SNX29: variants seen among roughly 807,000 people sequenced by gnomAD.
SNX29 encodes sorting nexin-29.
SNX29 carries 78 observed loss-of-function variants against 102.1 expected under a neutral mutation model. The observed-to-expected ratio is 0.76, with a 90% CI of 0.64 to 0.92. SNX29 has a LOEUF of 0.92. Among genes scored for constraint, SNX29 ranks in the 40% least tolerant of loss-of-function variants. The pLI is 0.00. For missense variants in SNX29, 1,280 were observed against 1,061.7 expected, an observed-to-expected ratio of 1.21 and a Z score of -2.86; for synonymous variants, 580 against 414.5, an observed-to-expected ratio of 1.40 and a Z score of -4.85.
At chr16:12,195,813 C>T (rs148954533) in intron 13 of SNX29, among the ~76,000 whole-genome samples, 313 of 152,186 alleles carry the variant, frequency 2.1e-3, no homozygotes, top group African/African-American at 7.4e-3. Context: ...AAAATGGGCA[C>T]AGTAAAACCA....
At position 12,052,080 on chromosome 16, in the gene SNX29, T is replaced by A. The variant is rs1267930965; in HGVS notation, c.982T>A (p.Ser328Thr). Residue 328 changes from serine (S) to threonine (T), a missense_variant, in exon 8 of 21, where the codon TCC (serine) becomes ACC (threonine). Physicochemically the swap from Ser to Thr is moderately conservative, Grantham distance 58. Transcript: ENST00000566228. ...SQSSNSWKID[S>T]LSLNGEFGYQ... ...GAGCAGCAACTCATGGAAAATTGATTCCCTGTCTTTGAACGGGGAGTTTGG... is the reference window on the plus strand; with the variant it reads ...GAGCAGCAACTCATGGAAAATTGATACCCTGTCTTTGAACGGGGAGTTTGG... The A allele has an allele frequency of 6.2e-7, 1 of 1,613,956 alleles. No individual in the cohort carries two copies. The highest frequency in any genetic ancestry group is 1.7e-4 in the Middle Eastern group (1 of 6,056).
At chr16:12,496,153 G>A (rs1044053511) in intron 19 of SNX29, among the ~76,000 whole-genome samples, 3 of 152,218 alleles carry the variant, frequency 2.0e-5, no homozygotes, top group Non-Finnish European at 4.4e-5. Context: ...ATGGGGACTT[G>A]CAGAAAGGTC....
At chr16:12,037,687 T>C (rs1425527744) in intron 4 of SNX29, among the ~76,000 whole-genome samples, 1 of 151,868 alleles carries the variant, frequency 6.6e-6, no homozygotes, top group Non-Finnish European at 1.5e-5. Context: ...CTCAGTGGTT[T>C]ACGCCTGTAA....
intron 20 of SNX29, among the ~76,000 whole-genome samples, chr16:12,532,864 C>T (rs989717259): frequency 2.6e-5 from 4 of 152,180 alleles, no homozygotes; most frequent in African/African-American, 9.7e-5. Flanking sequence ...GAAGCCTTCC[C>T]CTGCGTGAGA....
chr16:12,558,373 A>G (rs1425010107), intron 20 of SNX29, among the ~76,000 whole-genome samples: 1 of 152,188 alleles, frequency 6.6e-6, no homozygotes, highest in Non-Finnish European at 1.5e-5. Context: ...ATTGGTAACC[A>G]TCGGAATTTT....
intron 16 of SNX29, among the ~76,000 whole-genome samples, chr16:12,365,517 C>G (rs1416478774): frequency 1.3e-5 from 2 of 150,538 alleles, no homozygotes; most frequent in African/African-American, 2.4e-5. Flanking sequence ...TGGTGAAACC[C>G]CATCTCTACT....
At chr16:12,187,653 G>A (rs2076543525) in intron 13 of SNX29, among the ~76,000 whole-genome samples, 1 of 151,868 alleles carries the variant, frequency 6.6e-6, no homozygotes, top group African/African-American at 2.4e-5. Context: ...TTTCATAGTA[G>A]TTTCTCTTGC....
intron 1 of SNX29, among the ~76,000 whole-genome samples, chr16:11,992,092 T>G (rs2055875931): frequency 6.6e-6 from 1 of 152,010 alleles, no homozygotes; most frequent in Non-Finnish European, 1.5e-5. Flanking sequence ...GCCAGGAGTT[T>G]GAGACCAGCC....
At chr16:12,262,414 A>G (rs934002095) in intron 14 of SNX29, among the ~76,000 whole-genome samples, 2 of 152,184 alleles carry the variant, frequency 1.3e-5, no homozygotes, top group Non-Finnish European at 2.9e-5. Context: ...CATTCATCCC[A>G]AAGAGATACT....
At chr16:12,342,476 A>G (rs1024428626) in intron 15 of SNX29, among the ~76,000 whole-genome samples, 1 of 152,138 alleles carries the variant, frequency 6.6e-6, no homozygotes, top group Non-Finnish European at 1.5e-5. Context: ...TCAAGCCCTT[A>G]AATTCCATGT....
At chr16:12,234,802 A>G (rs531474349) in intron 14 of SNX29, among the ~76,000 whole-genome samples, 6 of 152,284 alleles carry the variant, frequency 3.9e-5, no homozygotes, top group African/African-American at 1.4e-4. Flanking sequence ...ACTTAGGGCT[A>G]TGTCCGTCTG....
rs2079172503 is a variant in SNX29, at chr16:12,570,836, C to G, written c.*2207C>G. On this transcript the variant is annotated 3_prime_UTR_variant, in exon 21 of 21. Coordinates refer to ENST00000566228, the MANE Select transcript of SNX29 (RefSeq NM_032167.5). ...CCGTGAGAAACAAGTATGCTCTCAGCTGGTATTGAACTGGTGGGAGAAACT... is the reference window on the plus strand; with the variant it reads ...CCGTGAGAAACAAGTATGCTCTCAGGTGGTATTGAACTGGTGGGAGAAACT... 4.3e-6 allele frequency: 1 copy of G among 232,182 alleles called. No individual in the cohort carries two copies. The highest frequency in any genetic ancestry group is 8.5e-6 in the Non-Finnish European group (1 of 117,474). 14.4% of individuals were successfully genotyped at this position (232,182 alleles called of 1,614,324 possible). A position where few individuals can be genotyped will look rare whatever the true frequency, so the allele number is the denominator to read the frequency against.
At chr16:12,293,319 G>T (rs1160631256) in intron 15 of SNX29, among the ~76,000 whole-genome samples, 1 of 152,170 alleles carries the variant, frequency 6.6e-6, no homozygotes, top group East Asian at 1.9e-4. Context: ...GGCTCAGAAA[G>T]GTTGAGTAGA....
intron 14 of SNX29, among the ~76,000 whole-genome samples, chr16:12,237,984 G>A (rs755596736): frequency 3.0e-4 from 45 of 152,316 alleles, no homozygotes; most frequent in Non-Finnish European, 5.0e-4. Context: ...CAGAAGCAAC[G>A]ACGCTGGCAG....
intron 15 of SNX29, among the ~76,000 whole-genome samples, chr16:12,348,319 G>A (rs933538073): frequency 6.6e-6 from 1 of 152,098 alleles, no homozygotes; most frequent in African/African-American, 2.4e-5. Context: ...TTTTGGAGAA[G>A]GCTTACCCTA....
chr16:12,302,237 C>A (rs2080195627), intron 15 of SNX29, among the ~76,000 whole-genome samples: 2 of 152,336 alleles, frequency 1.3e-5, no homozygotes, highest in South Asian at 4.1e-4. Flanking sequence ...AAGCAAATGG[C>A]TGTGGCCACG....
At chr16:12,109,417 A>G (rs903436788) in intron 11 of SNX29, among the ~76,000 whole-genome samples, 3 of 152,124 alleles carry the variant, frequency 2.0e-5, no homozygotes, top group South Asian at 2.1e-4. Flanking sequence ...GAATGGTTCA[A>G]TACACTCATG....
In SNX29 at chr16:12,565,856, C is replaced by G. The variant is rs1296898371; in HGVS notation, c.2319-2650C>G. ...CACACCTCTGCCTCCTCCGGGAAGC[C>G]CTCTGTGCCCTGCTCAGAACAACCT... On this transcript the variant is annotated intron_variant, in intron 20 of 20. Transcript: ENST00000566228. Among the ~76,000 whole-genome samples, 4 of 152,324 alleles carry G rather than the reference C, an allele frequency of 2.6e-5. No individual in the cohort carries two copies. In the East Asian group the frequency reaches 7.7e-4, roughly 29 times the overall value.
chr16:12,344,653 G>A (rs546475967), intron 15 of SNX29, among the ~76,000 whole-genome samples: 62 of 152,364 alleles, frequency 4.1e-4, no homozygotes, highest in Admixed American at 6.5e-4. Context: ...TTAGGGTTGG[G>A]TCTGGCGTCC....
Sources: allele counts gnomAD v4.1 joint callset (sites outside exome capture counted in the v4.1 genomes callset), GRCh38; gene constraint gnomAD v4.1.1; transcripts MANE v1.5; gene names NCBI Gene and HGNC (gene_info 2026-07-23, HGNC 2026-07-21).